ZBTB7C: variants seen among roughly 807,000 people sequenced by gnomAD.
ZBTB7C encodes the protein zinc finger and BTB domain containing 7C.
A neutral mutation model predicts 25.7 loss-of-function variants in ZBTB7C; 8 were observed. That is an observed-to-expected ratio of 0.31 (90% CI 0.18 to 0.56). ZBTB7C has a LOEUF of 0.56. Ranked by LOEUF, ZBTB7C falls within the 20% of genes least tolerant of loss-of-function variation. ZBTB7C has a pLI of 0.91. For missense variants in ZBTB7C, 824 were observed against 855.2 expected, an observed-to-expected ratio of 0.96 and a Z score of 0.46; for synonymous variants, 394 against 369.0, an observed-to-expected ratio of 1.07 and a Z score of -0.78.
Position 48,351,946 on chromosome 18 carries a change from C to T in ZBTB7C, c.-303-13548G>A, listed in dbSNP as rs1438234446. Among the ~76,000 whole-genome samples, 5 of 152,134 alleles carry T rather than the reference C, an allele frequency of 3.3e-5. No individual in the cohort carries two copies. In the East Asian group the frequency reaches 7.7e-4, roughly 24 times the overall value. ...AGTCCCAGCAGGTGAACCTGAGAGC[C>T]CTGATGACAGGAACTAGAGATACCC... On this transcript the variant is annotated intron_variant, in intron 1 of 4. Coordinates refer to ENST00000590800, the MANE Select transcript of ZBTB7C (RefSeq NM_001318841.2).
At chr18:48,267,302 A>C (rs964797992) in intron 2 of ZBTB7C, among the ~76,000 whole-genome samples, 5 of 152,214 alleles carry the variant, frequency 3.3e-5, no homozygotes, top group African/African-American at 4.8e-5. Flanking sequence ...CCAGCATCAG[A>C]TAAGGCATGT....
At chr18:48,264,649 T>C (rs952497511) in intron 2 of ZBTB7C, among the ~76,000 whole-genome samples, 23 of 151,822 alleles carry the variant, frequency 1.5e-4, no homozygotes, top group Non-Finnish European at 3.4e-4. Flanking sequence ...CAAGTCACCA[T>C]GGCAACAGCC....
intron 3 of ZBTB7C, among the ~76,000 whole-genome samples, chr18:48,070,873 C>A (rs895938402): frequency 6.6e-6 from 1 of 152,174 alleles, no homozygotes; most frequent in Non-Finnish European, 1.5e-5. Context: ...CCTTTCCCCA[C>A]TGAACTGCCC....
intron 2 of ZBTB7C, among the ~76,000 whole-genome samples, chr18:48,330,938 G>C (rs1425228274): frequency 6.6e-6 from 1 of 152,166 alleles, no homozygotes; most frequent in East Asian, 1.9e-4. Context: ...TTCCAACCAA[G>C]TGATCCATAA....
chr18:48,075,664 T>A (rs1039383269), intron 3 of ZBTB7C, among the ~76,000 whole-genome samples: 2 of 152,222 alleles, frequency 1.3e-5, no homozygotes, highest in African/African-American at 4.8e-5. Flanking sequence ...TGTTTCTGGG[T>A]GGAGGAGGGG....
intron 2 of ZBTB7C, among the ~76,000 whole-genome samples, chr18:48,270,497 C>T (rs1380955941): frequency 1.3e-5 from 2 of 150,644 alleles, no homozygotes; most frequent in African/African-American, 4.9e-5. Flanking sequence ...TGATCGAGAC[C>T]ATCCTGGCTA....
intron 3 of ZBTB7C, among the ~76,000 whole-genome samples, chr18:48,108,607 T>A (rs2039120349): frequency 6.6e-6 from 1 of 152,124 alleles, no homozygotes; most frequent in African/African-American, 2.4e-5. Flanking sequence ...CTAATTTTCT[T>A]ATTTTTTGTA....
At chr18:48,255,972 G>T (rs1002936061) in intron 2 of ZBTB7C, among the ~76,000 whole-genome samples, 2 of 152,070 alleles carry the variant, frequency 1.3e-5, no homozygotes, top group African/African-American at 4.8e-5. Context: ...AGAGAAAAAA[G>T]AATTGTAAAA....
At chr18:48,207,592 T>TCTAC (rs2042606377) in intron 2 of ZBTB7C, among the ~76,000 whole-genome samples, 1 of 146,538 alleles carries the variant, frequency 6.8e-6, no homozygotes, top group African/African-American at 2.4e-5. Flanking sequence ...TATCTATCTA[T>TCTAC]CTATCTATCT....
chr18:48,215,663 GCCACC>G (rs2042806227), intron 2 of ZBTB7C, among the ~76,000 whole-genome samples: 1 of 152,110 alleles, frequency 6.6e-6, no homozygotes, highest in African/African-American at 2.4e-5. Flanking sequence ...CTCATAAATG[GCCACC>G]CTTAGAGGCA....
chr18:48,214,762 G>A (rs1284030108), intron 2 of ZBTB7C, among the ~76,000 whole-genome samples: 2 of 152,214 alleles, frequency 1.3e-5, no homozygotes, highest in African/African-American at 4.8e-5. Flanking sequence ...GGTAGCATGT[G>A]TCAAAATTCC....
chr18:48,168,334 GTGGT>G (rs2041342127), intron 3 of ZBTB7C, among the ~76,000 whole-genome samples: 1 of 152,246 alleles, frequency 6.6e-6, no homozygotes, highest in Non-Finnish European at 1.5e-5. Flanking sequence ...AGACAAATAT[GTGGT>G]TGATGTGCAG....
chr18:48,382,135 A>G (rs1189964476), intron 1 of ZBTB7C, among the ~76,000 whole-genome samples: 6 of 152,230 alleles, frequency 3.9e-5, no homozygotes, highest in African/African-American at 1.2e-4. Flanking sequence ...TTCACCTTCC[A>G]CTAGTAGGAA....
chr18:48,269,514 T>C (rs1398749495), intron 2 of ZBTB7C, among the ~76,000 whole-genome samples: 1 of 152,152 alleles, frequency 6.6e-6, no homozygotes, highest in Non-Finnish European at 1.5e-5. Context: ...TAGTGGAAGC[T>C]GGGGATGAAG....
At chr18:48,136,613 C>A (rs1309562945) in intron 3 of ZBTB7C, among the ~76,000 whole-genome samples, 1 of 152,198 alleles carries the variant, frequency 6.6e-6, no homozygotes, top group Non-Finnish European at 1.5e-5. Context: ...AACTCCCTCT[C>A]GGAGTGCCCT....
intron 3 of ZBTB7C, among the ~76,000 whole-genome samples, chr18:48,124,803 T>G (rs1050850534): frequency 6.6e-6 from 1 of 152,204 alleles, no homozygotes; most frequent in Admixed American, 6.5e-5. Context: ...CTTTTGGGAA[T>G]GGACAGGCAG....
Position 48,105,833 on chromosome 18 carries a change from C to T in ZBTB7C, c.-16-64710G>A, listed in dbSNP as rs572301849. 2.0e-5 allele frequency among the ~76,000 whole-genome samples: 3 copies of T among 152,302 alleles called. No individual in the cohort carries two copies. In the South Asian group the frequency reaches 6.2e-4, roughly 32 times the overall value. ...AACAACTTGCTATTGCTATTGCACT[C>T]GCAATACCTGGCTCCAGCATACCAT... On this transcript the variant is annotated intron_variant, in intron 3 of 4. Transcript: ENST00000590800.
In ZBTB7C at chr18:48,400,509, T is replaced by G. The variant is rs1363155678; in HGVS notation, c.-304+8717A>C. ...AGGCCCCTCTGCTGCTTCCCTAGTT[T>G]GCTTGCTTTTGATGTGTCCCCACCT... is the stretch of plus-strand genomic sequence containing the variant. On this transcript the variant is annotated intron_variant, in intron 1 of 4. Transcript: ENST00000590800. 6.6e-5 allele frequency among the ~76,000 whole-genome samples: 10 copies of G among 152,244 alleles called. No individual in the cohort carries two copies. In the East Asian group the frequency reaches 1.9e-3, roughly 29 times the overall value.
At chr18:48,409,674 C>T (rs1282318783), upstream of ZBTB7C, among the ~76,000 whole-genome samples, 1 of 152,046 alleles carries the variant, frequency 6.6e-6, no homozygotes, top group African/African-American at 2.4e-5. Context: ...GAGTGGGCGG[C>T]GCGGCGGGGG....
Sources: gnomAD v4.1 joint callset for allele counts (sites outside exome capture counted in the v4.1 genomes callset) on GRCh38, gnomAD v4.1.1 for gene constraint, MANE v1.5 for transcripts, NCBI Gene and HGNC (gene_info 2026-07-23, HGNC 2026-07-21) for gene names.